Variants in HYOU1 observed in about 807,000 individuals in gnomAD.
HYOU1 encodes hypoxia up-regulated 1.
A neutral mutation model predicts 120.5 loss-of-function variants in HYOU1; 40 were observed. The ratio of observed to expected loss-of-function variants is 0.33; its 90% CI spans 0.26 to 0.43. HYOU1 has a LOEUF of 0.43. Among genes scored for constraint, HYOU1 ranks in the 20% least tolerant of loss-of-function variants. The pLI, the probability that HYOU1 is intolerant of heterozygous loss-of-function variation, is 1.00. For missense variants in HYOU1, 1,085 were observed against 1,278.3 expected (o/e 0.85, Z 2.31); for synonymous variants, 501 against 479.4 (o/e 1.05, Z -0.59).
rs1475184753 is a variant in HYOU1, at chr11:119,052,676, G to C, written c.948C>G (p.Leu316=). The change falls in exon 9 of 26, where the codon CTC becomes CTG. Residue 316 remains leucine (L), a synonymous_variant. Coordinates refer to ENST00000617285, the MANE Select transcript of HYOU1 (RefSeq NM_006389.5). The surrounding 1 kb of genome is among the most constrained non-coding windows in gnomAD (Gnocchi z 5.0). ...MAKLLREANR[L]KTVLSANADH... The stretch of plus-strand genomic sequence containing the variant: ...CAGCGTTGGCACTGAGGACGGTTTT[G>C]AGCCGATTAGCCTCACGCAGCAGCT... 16 of 1,614,034 alleles carry C rather than the reference G, an allele frequency of 9.9e-6. No individual in the cohort carries two copies. The highest frequency in any genetic ancestry group is 3.3e-5 in the Admixed American group (2 of 60,000).
intron 24 of HYOU1, 24 bp from the exon 25 acceptor site, chr11:119,045,855 G>A: frequency 2.5e-6 from 4 of 1,611,658 alleles, no homozygotes; most frequent in Non-Finnish European, 3.4e-6. Context: ...AAACAGGTTA[G>A]TCTCCTCAGA....
Position 119,055,223 on chromosome 11 carries a change from G to A in HYOU1, c.381C>T (p.Phe127=), listed in dbSNP as rs2133611364. The A allele has an allele frequency of 0.016, 26,276 of 1,614,100 alleles. 649 individuals are homozygous for A. Among genetic ancestry groups the A allele is most frequent in the African/African-American group, 0.09 (6,754 of 75,000 alleles). ...AGTGCACAGTCTGCCTCTGTGGGTC[G>A]AAAGTCAGCTCGTGCTCCGGGAAGC... ...QARFPEHELT[F]DPQRQTVHFQ... is the part of the protein sequence containing the mutation. The change falls in exon 5 of 26, where the codon TTC becomes TTT. Residue 127 remains phenylalanine, a synonymous_variant. Coordinates refer to ENST00000617285, the MANE Select transcript of HYOU1 (RefSeq NM_006389.5). The surrounding 1 kb of genome is among the most constrained non-coding windows in gnomAD (Gnocchi z 4.0).
chr11:119,056,055 T>C lies in HYOU1; in HGVS notation c.91+15A>G. The C allele has an allele frequency of 6.2e-7, 1 of 1,607,728 alleles. No homozygotes were observed. Among genetic ancestry groups the C allele is most frequent in the South Asian group, 1.1e-5 (1 of 90,932 alleles). On this transcript the variant is annotated intron_variant, in intron 2 of 25. Coordinates refer to ENST00000617285, the MANE Select transcript of HYOU1 (RefSeq NM_006389.5). ...TCATCATTTATCCATTTGCTCCCTC[T>C]ACTGGGGTACATACCACTCAGTGCC...
rs1944445757 is a variant in HYOU1 at position 119,051,636 on chromosome 11, G to A, written c.1339-11C>T. ...CCTCGTGAACTCCACCTACACAGCA[G>A]GCAGACAGAGGCACACTGTTGCACA... On this transcript the variant is annotated splice_polypyrimidine_tract_variant and intron_variant, in intron 12 of 25. Coordinates refer to ENST00000617285, the MANE Select transcript of HYOU1 (RefSeq NM_006389.5). The surrounding 1 kb of genome is among the most constrained non-coding windows in gnomAD (Gnocchi z 4.2). 6.2e-7 allele frequency: 1 copy of A among 1,613,958 alleles called. No homozygotes were observed. Among genetic ancestry groups the A allele is most frequent in the Non-Finnish European group, 8.5e-7 (1 of 1,179,932 alleles).
Position 119,052,954 on chromosome 11 carries a change from C to T in HYOU1, c.795-125G>A. ...CAGGGGACCTTGTTCATCTCCAGTG[C>T]CCCATGTGTGGACACACACTCTGCC... On this transcript the variant is annotated intron_variant, in intron 8 of 25. Transcript: ENST00000617285. The surrounding 1 kb of genome is among the most constrained non-coding windows in gnomAD (Gnocchi z 5.0). The T allele has an allele frequency of 1.2e-6, 1 of 863,536 alleles. No individual in the cohort carries two copies. Among genetic ancestry groups the T allele is most frequent in the Non-Finnish European group, 1.7e-6 (1 of 571,732 alleles). The allele number at this position is 863,536 out of a possible 1,614,324, so 53.5% of individuals were successfully genotyped here.
chr11:119,052,442 G>C lies in HYOU1; in HGVS notation c.988-13C>G. The C allele has an allele frequency of 6.2e-7, 1 of 1,614,116 alleles. No individual in the cohort carries two copies. Among genetic ancestry groups the C allele is most frequent in the Non-Finnish European group, 8.5e-7 (1 of 1,180,032 alleles). ...TCAGGCCTTCAATCTGGGAGAGGAT[G>C]GGGACTGTCAGGGGGTTCTTGCCCA... On this transcript the variant is annotated splice_polypyrimidine_tract_variant and intron_variant, in intron 9 of 25. Transcript: ENST00000617285. The surrounding 1 kb of genome is among the most constrained non-coding windows in gnomAD (Gnocchi z 5.0).
chr11:119,051,874 T>C lies in HYOU1; in HGVS notation c.1283A>G (p.Lys428Arg), dbSNP rs1453978009. 7 of 1,614,160 alleles carry C rather than the reference T, an allele frequency of 4.3e-6. No homozygotes were observed. The highest frequency in any genetic ancestry group is 3.3e-5 in the Admixed American group (2 of 60,028). The change falls in exon 12 of 26, where the codon AAA becomes AGA. Residue 428 changes from lysine to arginine, a missense_variant. Transcript: ENST00000617285. The surrounding 1 kb of genome is among the most constrained non-coding windows in gnomAD (Gnocchi z 4.2). Reference protein sequence around the residue: ...GAVYQAAALSKAFKVKPFVVR... With the variant: ...GAVYQAAALSRAFKVKPFVVR... The stretch of plus-strand genomic sequence containing the variant: ...GACAAATGGCTTCACTTTAAAGGCT[T>C]TGCTGAGCGCAGCTGCCTGGTACAC...
rs2134674870 is a variant in HYOU1 at position 119,045,954 on chromosome 11, T to A, written c.2888-123A>T. ...TTTAGGATGCATGTACCACATTTGG[T>A]CTCTTTGCCTACTCTGTTTTTTGAG... is the stretch of plus-strand genomic sequence containing the variant. On this transcript the variant is annotated intron_variant, in intron 24 of 25. Coordinates refer to ENST00000617285, the MANE Select transcript of HYOU1 (RefSeq NM_006389.5). The A allele has an allele frequency of 3.2e-6, 3 of 924,980 alleles. No homozygotes were observed. The East Asian group carries it at 7.6e-5, about 24-fold the overall frequency. The allele number at this position is 924,980 out of a possible 1,614,324, so 57.3% of individuals were successfully genotyped here. A position where few individuals can be genotyped will look rare whatever the true frequency, so the allele number is the denominator to read the frequency against.
At chr11:119,046,298 T>C in intron 24 of HYOU1, 119 bp downstream of exon 24, 1 of 842,804 alleles carries the variant, frequency 1.2e-6, no homozygotes, top group Non-Finnish European at 1.9e-6. Flanking sequence ...AACAACCCTT[T>C]AAAAACGCAA....
chr11:119,046,778 CGG>C lies in HYOU1; in HGVS notation c.2618_2619del (p.Ala873GlyfsTer4), dbSNP rs1944105109. 1 of 1,601,040 alleles carries C rather than the reference CGG, an allele frequency of 6.2e-7. No individual in the cohort carries two copies. The highest frequency in any genetic ancestry group is 8.5e-7 in the Non-Finnish European group (1 of 1,179,958). ...ETWAWKNATL[A>X]EQAKLPATEK... ...TCTGTGGCGGGCAGCTTAGCCTGCT[CGG>C]CCAGAGTTGCATTCTTCCAGGCCTG... On this transcript the variant is annotated frameshift_variant, in exon 23 of 26. Coordinates refer to ENST00000617285, the MANE Select transcript of HYOU1 (RefSeq NM_006389.5). LOFTEE classifies it high-confidence loss of function.
In HYOU1 at chr11:119,052,171, T is replaced by C. The variant is rs2133590823; in HGVS notation, c.1124A>G (p.Asp375Gly). The change falls in exon 11 of 26, where the codon GAT becomes GGT. Residue 375 changes from aspartate (D) to glycine (G), a missense_variant and splice_region_variant. Transcript: ENST00000617285. The surrounding 1 kb of genome is among the most constrained non-coding windows in gnomAD (Gnocchi z 5.0). ...QALQSAEMSL[D>G]EIEQVILVGG... is the part of the protein sequence containing the mutation. ...CACCAGGATCACCTGCTCAATCTCATCCTGCAGTGGGTAAGAATGACAGGT... is the reference window on the plus strand; with the variant it reads ...CACCAGGATCACCTGCTCAATCTCACCCTGCAGTGGGTAAGAATGACAGGT... The C allele has an allele frequency of 2.5e-6, 4 of 1,614,138 alleles. No homozygotes were observed. The South Asian group carries it at 4.4e-5, about 18-fold the overall frequency.
rs2133549348 is a variant in HYOU1 at position 119,046,368 on chromosome 11, C to A, written c.2887+49G>T. On this transcript the variant is annotated intron_variant, in intron 24 of 25. Coordinates refer to ENST00000617285, the MANE Select transcript of HYOU1 (RefSeq NM_006389.5). ...GCTGTGCCTGCCAGTTTGCCTACCC[C>A]TGGGCTAATGCAACATCCACGTGCT... The A allele has an allele frequency of 6.3e-6, 10 of 1,593,000 alleles. No homozygotes were observed. In the South Asian group the frequency reaches 1.1e-4, roughly 18 times the overall value.
rs1944476490 is a variant in HYOU1, at chr11:119,052,073, C to G, written c.1205+17G>C. ...CCCAGGCAGAACTCAGCCAAGCGCT[C>G]TAGCCCCCACACTCACTTGCCCACG... On this transcript the variant is annotated intron_variant, in intron 11 of 25. Coordinates refer to ENST00000617285, the MANE Select transcript of HYOU1 (RefSeq NM_006389.5). The surrounding 1 kb of genome is among the most constrained non-coding windows in gnomAD (Gnocchi z 5.0). 6.2e-7 allele frequency: 1 copy of G among 1,614,026 alleles called. No homozygotes were observed. The highest frequency in any genetic ancestry group is 1.3e-5 in the African/African-American group (1 of 74,950).
rs1299881530 is a variant in HYOU1, at chr11:119,056,130, T to C, written c.31A>G (p.Arg11Gly). 6.2e-7 allele frequency: 1 copy of C among 1,614,082 alleles called. No homozygotes were observed. The highest frequency in any genetic ancestry group is 1.7e-5 in the Admixed American group (1 of 60,024). MADKVRRQRP[R>G]RRVCWALVAV... ...ACCAAGGCCCAACAGACTCGCCTCC[T>C]CGGCCTCTGCCTCCTAACTTTGTCT... The change falls in exon 2 of 26, where the codon AGG (arginine) becomes GGG (glycine). Residue 11 changes from arginine (R) to glycine (G), a missense_variant. This residue lies in a region of HYOU1 where 45 missense variants were observed against 49.2 expected (regional missense o/e 0.91). Transcript: ENST00000617285.
Position 119,051,719 on chromosome 11 carries a change from T to C in HYOU1, c.1339-94A>G. The C allele has an allele frequency of 6.3e-7, 1 of 1,596,114 alleles. No homozygotes were observed. Among genetic ancestry groups the C allele is most frequent in the East Asian group, 2.2e-5 (1 of 44,630 alleles). On this transcript the variant is annotated intron_variant, in intron 12 of 25. Transcript: ENST00000617285. This position sits in a 1 kb window ranked among gnomAD's most constrained non-coding sequence, Gnocchi z 4.2. ...TGGGGGTGGGATGGGGGAGACCTCT[T>C]AGCAGAAAGACAAAGGGATGAGCCA... is the stretch of plus-strand genomic sequence containing the variant.
At chr11:119,047,886 T>C in intron 21 of HYOU1, 61 bp downstream of exon 21, 1 of 1,613,338 alleles carries the variant, frequency 6.2e-7, no homozygotes, top group Non-Finnish European at 8.5e-7. Flanking sequence ...AGTGGGAAGC[T>C]GGTAGGAATG....
Position 119,051,329 on chromosome 11 carries a change from C to A in HYOU1, c.1526+109G>T. On this transcript the variant is annotated intron_variant, in intron 13 of 25. Transcript: ENST00000617285. This position sits in a 1 kb window ranked among gnomAD's most constrained non-coding sequence, Gnocchi z 4.2. The stretch of plus-strand genomic sequence containing the variant: ...TCCAGCGAAGCTGATCATAGCTGCC[C>A]TGTTTCAGCCCCGCAGGCCCACATC... 6.7e-7 allele frequency: 1 copy of A among 1,485,178 alleles called. No individual in the cohort carries two copies. Among genetic ancestry groups the A allele is most frequent in the Non-Finnish European group, 9.2e-7 (1 of 1,082,598 alleles). The allele number at this position is 1,485,178 out of a possible 1,614,324, so 92.0% of individuals were successfully genotyped here. A position where few individuals can be genotyped will look rare whatever the true frequency, so the allele number is the denominator to read the frequency against.
Position 119,044,525 on chromosome 11 carries a change from G to A in HYOU1, c.*1068C>T, listed in dbSNP as rs1421743813. 1 of 153,858 alleles carries A rather than the reference G, an allele frequency of 6.5e-6. No individual in the cohort carries two copies. The highest frequency in any genetic ancestry group is 1.5e-5 in the Non-Finnish European group (1 of 68,854). 9.5% of individuals were successfully genotyped at this position (153,858 alleles called of 1,614,324 possible). ...TCGGGGGCCCCCAACCTAGCAGAGTGATGCACAGAGGAAGGCCAGCCCTGA... is the reference window on the plus strand; with the variant it reads ...TCGGGGGCCCCCAACCTAGCAGAGTAATGCACAGAGGAAGGCCAGCCCTGA... On this transcript the variant is annotated 3_prime_UTR_variant, in exon 26 of 26. Transcript: ENST00000617285.
chr11:119,051,960 GC>G lies in HYOU1; in HGVS notation c.1206-10del. 6.2e-7 allele frequency: 1 copy of G among 1,614,090 alleles called. No individual in the cohort carries two copies. The highest frequency in any genetic ancestry group is 8.5e-7 in the Non-Finnish European group (1 of 1,179,974). On this transcript the variant is annotated splice_polypyrimidine_tract_variant and intron_variant, in intron 11 of 25. Transcript: ENST00000617285. This position sits in a 1 kb window ranked among gnomAD's most constrained non-coding sequence, Gnocchi z 4.2. ...TCTTCCCCAGCTCCTCCCTGGGAAA[GC>G]CCCAAGCCTCAGCACGGTCTACCCT... is the stretch of plus-strand genomic sequence containing the variant.
Sources: allele counts gnomAD v4.1 joint callset, GRCh38; gene constraint gnomAD v4.1.1; regional missense constraint gnomAD v4.1.1; non-coding constraint Gnocchi (gnomAD v3.1); transcripts MANE v1.5; gene names NCBI Gene and HGNC (gene_info 2026-07-23, HGNC 2026-07-21).